Variants in AKAP13 observed in about 807,000 individuals in gnomAD.
The protein encoded by AKAP13 is A-kinase anchor protein 13.
AKAP13 carries 80 observed loss-of-function variants against 264.5 expected under a neutral mutation model. The observed-to-expected ratio is 0.30, with a 90% CI of 0.25 to 0.36. AKAP13 has a LOEUF of 0.36. AKAP13 is among the 10% of genes least tolerant of loss of function. The pLI, the probability that AKAP13 is intolerant of heterozygous loss-of-function variation, is 1.00. For missense variants in AKAP13, 3,712 were observed against 3,435.2 expected (o/e 1.08, Z -2.01); for synonymous variants, 1,380 against 1,250.2 (o/e 1.10, Z -2.19).
chr15:85,665,833 T>C (rs1478328906), intron 13 of AKAP13, among the ~76,000 whole-genome samples: 1 of 152,220 alleles, frequency 6.6e-6, no homozygotes, highest in Non-Finnish European at 1.5e-5. Flanking sequence ...TCCAGCTTCA[T>C]CCATCTCCCT....
At chr15:85,715,153 T>C (rs1024304856) in intron 19 of AKAP13, among the ~76,000 whole-genome samples, 1 of 152,224 alleles carries the variant, frequency 6.6e-6, no homozygotes, top group African/African-American at 2.4e-5. Context: ...TTTTCTTTCT[T>C]TTAAGCATGA....
intron 8 of AKAP13, among the ~76,000 whole-genome samples, chr15:85,628,642 T>C (rs1053706513): frequency 6.6e-6 from 1 of 151,528 alleles, no homozygotes; most frequent in Admixed American, 6.6e-5. Context: ...ATTCTAGTAA[T>C]TGACAGAGCC....
At chr15:85,665,109 A>G (rs976609785) in intron 13 of AKAP13, among the ~76,000 whole-genome samples, 2 of 152,124 alleles carry the variant, frequency 1.3e-5, no homozygotes, top group Non-Finnish European at 2.9e-5. Context: ...AGGCTGAGGT[A>G]GGAGGATTAC....
In AKAP13 at chr15:85,747,570, G is replaced by A. The variant is rs1372645142; in HGVS notation, c.*2893G>A. 6.6e-6 allele frequency: 1 copy of A among 152,646 alleles called. No individual in the cohort carries two copies. Among genetic ancestry groups the A allele is most frequent in the Non-Finnish European group, 1.5e-5 (1 of 68,048 alleles). 9.5% of individuals were successfully genotyped at this position (152,646 alleles called of 1,614,324 possible). A position where few individuals can be genotyped will look rare whatever the true frequency, so the allele number is the denominator to read the frequency against. On this transcript the variant is annotated 3_prime_UTR_variant, in exon 37 of 37. Transcript: ENST00000394518. ...CGAGTGAGCTTCCTGGAAGGAGACT[G>A]CGTCTTCTCTCAATTCCAGTCATCT...
chr15:85,633,471 T>C (rs2081939233), intron 8 of AKAP13, among the ~76,000 whole-genome samples: 1 of 151,940 alleles, frequency 6.6e-6, no homozygotes, highest in Admixed American at 6.6e-5. Flanking sequence ...AAGTAAAATT[T>C]GGCTCATTGC....
intron 8 of AKAP13, among the ~76,000 whole-genome samples, chr15:85,590,668 A>G (rs1430717482): frequency 6.6e-6 from 1 of 152,204 alleles, no homozygotes; most frequent in Non-Finnish European, 1.5e-5. Context: ...AGGCAAAGTT[A>G]TTACTTTACA....
chr15:85,730,877 C>G (rs2087952484), intron 30 of AKAP13, among the ~76,000 whole-genome samples, 170 bp downstream of exon 30: 2 of 152,108 alleles, frequency 1.3e-5, no homozygotes, highest in Non-Finnish European at 2.9e-5. Flanking sequence ...TTAACCACTA[C>G]TCACATCAAG....
At chr15:85,420,042 C>T (rs1187346144) in intron 1 of AKAP13, among the ~76,000 whole-genome samples, 1 of 147,736 alleles carries the variant, frequency 6.8e-6, no homozygotes, top group Admixed American at 6.9e-5. Flanking sequence ...CCCGGGTTCA[C>T]ACCATTCTCC....
chr15:85,415,357 T>C, intron 1 of AKAP13: 1 of 1,581,862 alleles, frequency 6.3e-7, no homozygotes, highest in Non-Finnish European at 8.7e-7. Flanking sequence ...CCAGATTGTA[T>C]CATCACTTGT....
intron 4 of AKAP13, 27 bp from the exon 5 acceptor site, chr15:85,543,741 CACTT>C: frequency 6.4e-7 from 1 of 1,567,376 alleles, no homozygotes. Context: ...ATATTTTCCT[CACTT>C]ACGTTCATTT....
At chr15:85,664,859 C>T (rs1166528687) in intron 13 of AKAP13, 104 bp downstream of exon 13, 2 of 1,081,214 alleles carry the variant, frequency 1.8e-6, no homozygotes, top group Non-Finnish European at 2.6e-6. Flanking sequence ...TGATTACTTA[C>T]CCATTATATG....
At chr15:85,645,728 T>G in intron 9 of AKAP13, 90 bp from the exon 10 acceptor site, 2 of 1,339,852 alleles carry the variant, frequency 1.5e-6, no homozygotes, top group Non-Finnish European at 2.0e-6. Flanking sequence ...AAAAGACTGG[T>G]TGCTGGGGTG....
At chr15:85,517,098 C>T (rs1043985727) in intron 2 of AKAP13, among the ~76,000 whole-genome samples, 10 of 152,178 alleles carry the variant, frequency 6.6e-5, no homozygotes, top group African/African-American at 2.4e-4. Flanking sequence ...CAAGCCAGCT[C>T]CAGTATACCA....
At chr15:85,678,955 C>T (rs572756586) in intron 14 of AKAP13, among the ~76,000 whole-genome samples, 1 of 151,564 alleles carries the variant, frequency 6.6e-6, no homozygotes, top group South Asian at 2.1e-4. Context: ...AAACCAAGGT[C>T]CCAGTCAGGC....
At chr15:85,675,053 C>G (rs62022918) in intron 14 of AKAP13, among the ~76,000 whole-genome samples, 26,687 of 152,044 alleles carry the variant, frequency 0.18, 2,596 homozygotes, top group Non-Finnish European at 0.22. Flanking sequence ...TTGAATTGCT[C>G]TGTTACCAGA....
chr15:85,609,977 A>G (rs986411546), intron 8 of AKAP13, among the ~76,000 whole-genome samples: 1 of 152,146 alleles, frequency 6.6e-6, no homozygotes, highest in African/African-American at 2.4e-5. Flanking sequence ...TGTGTTTCAT[A>G]CAGTTGCTCC....
chr15:85,693,566 C>CCAGTCTCATGTCTCATTTG, intron 17 of AKAP13, 115 bp downstream of exon 17: 1 of 1,483,738 alleles, frequency 6.7e-7, no homozygotes, highest in Admixed American at 2.7e-5. Context: ...GAGAAGTAAC[C>CCAGTCTCATGTCTCATTTG]CTTTTTATAT....
chr15:85,735,420 G>T, intron 31 of AKAP13, 140 bp from the exon 32 acceptor site: 2 of 897,052 alleles, frequency 2.2e-6, no homozygotes, highest in South Asian at 3.6e-5. Context: ...TCACTTAGCT[G>T]CCACCAAGCA....
At chr15:85,711,162 C>A (rs554367431) in intron 19 of AKAP13, among the ~76,000 whole-genome samples, 1 of 152,062 alleles carries the variant, frequency 6.6e-6, no homozygotes, top group African/African-American at 2.4e-5. Flanking sequence ...ATTACAGGCA[C>A]GCACCACCAT....
Sources: gnomAD v4.1 joint callset for allele counts (sites outside exome capture counted in the v4.1 genomes callset) on GRCh38, gnomAD v4.1.1 for gene constraint, MANE v1.5 for transcripts, NCBI Gene and HGNC (gene_info 2026-07-23, HGNC 2026-07-21) for gene names.